ITGAL: variants seen among roughly 807,000 people sequenced by gnomAD.
The protein encoded by ITGAL is integrin subunit alpha L, also known as integrin alpha-L.
A neutral mutation model predicts 138.4 loss-of-function variants in ITGAL; 68 were observed. The observed-to-expected ratio is 0.49, with a 90% CI of 0.40 to 0.60. ITGAL has a LOEUF of 0.60. ITGAL is among the 20% of genes least tolerant of loss of function. The pLI is 0.00. For synonymous variants in ITGAL, 561 were observed against 584.3 expected, an observed-to-expected ratio of 0.96 and a Z score of 0.57; for missense variants, 1,256 against 1,478.6, an observed-to-expected ratio of 0.85 and a Z score of 2.47.
Position 30,489,383 on chromosome 16 carries a change from T to C in ITGAL, c.1210T>C (p.Leu404=), listed in dbSNP as rs746193831. The C allele has an allele frequency of 2.5e-6, 4 of 1,614,158 alleles. No individual in the cohort carries two copies. In the South Asian group the frequency reaches 4.4e-5, roughly 18 times the overall value. ...GACACCAGAAGTGAGAGCAGGCTAT[T>C]TGGGTGAGTACTTCTCTTTTCTGCT... ...PLTPEVRAGY[L]GYTVTWLPSR... is the part of the protein sequence containing the mutation. The change falls in exon 11 of 31, where the codon TTG becomes CTG. Residue 404 remains leucine, a synonymous_variant. Transcript: ENST00000356798.
chr16:30,512,030 G>A (rs1017705147), intron 24 of ITGAL, among the ~76,000 whole-genome samples: 1 of 152,150 alleles, frequency 6.6e-6, no homozygotes, highest in Non-Finnish European at 1.5e-5. Context: ...AAGGAGGTTG[G>A]GAACTTCTTG....
rs1243988025 is a variant in ITGAL at position 30,505,383 on chromosome 16, T to C, written c.2293-6T>C. On this transcript the variant is annotated splice_region_variant and splice_polypyrimidine_tract_variant and intron_variant, in intron 19 of 30. Coordinates refer to ENST00000356798, the MANE Select transcript of ITGAL (RefSeq NM_002209.3). ...GCCTGTTACTCCTTTCTTCTTGGTG[T>C]TTCAGATCCCTTTTGAGAAGAACTG... 1 of 1,614,042 alleles carries C rather than the reference T, an allele frequency of 6.2e-7. No homozygotes were observed. Among genetic ancestry groups the C allele is most frequent in the African/African-American group, 1.3e-5 (1 of 75,038 alleles).
intron 4 of ITGAL, among the ~76,000 whole-genome samples, chr16:30,477,986 T>C (rs1379499359): frequency 8.2e-6 from 1 of 122,084 alleles, no homozygotes; most frequent in Admixed American, 8.4e-5. Context: ...GAGAGAGAGA[T>C]AGGAAGGAAG....
Position 30,475,382 on chromosome 16 carries a change from C to T in ITGAL, c.241C>T (p.Leu81=). 5 of 1,613,770 alleles carry T rather than the reference C, an allele frequency of 3.1e-6. No individual in the cohort carries two copies. Among genetic ancestry groups the T allele is most frequent in the Non-Finnish European group, 4.2e-6 (5 of 1,179,698 alleles). The change falls in exon 3 of 31, where the codon CTG becomes TTG. Residue 81 remains leucine (L), a synonymous_variant. Coordinates refer to ENST00000356798, the MANE Select transcript of ITGAL (RefSeq NM_002209.3). ...GTGCCAGTCGGGCACAGGACACTGC[C>T]TGCCAGTCACCCTGAGAGGTGAGTA... is the stretch of plus-strand genomic sequence containing the variant. ...YQCQSGTGHC[L]PVTLRGSNYT...
At chr16:30,474,843 CTTCTTTTTTTTTTT>C (rs2050445238) in intron 2 of ITGAL, among the ~76,000 whole-genome samples, 3 of 135,200 alleles carry the variant, frequency 2.2e-5, no homozygotes, top group South Asian at 2.2e-4. Flanking sequence ...ACGGAGGCAT[CTTCTTTTTTTTTTT>C]TTCTTTTTTT....
chr16:30,505,439 G>T lies in ITGAL; in HGVS notation c.2343G>T (p.Leu781Phe). The change falls in exon 20 of 31, where the codon TTG (leucine) becomes TTT (phenylalanine). Residue 781 changes from leucine to phenylalanine, a missense_variant. This residue lies in a region of ITGAL where 867 missense variants were observed against 972.5 expected (regional missense o/e 0.89). Coordinates refer to ENST00000356798, the MANE Select transcript of ITGAL (RefSeq NM_002209.3). ...AGGACAAGAAGTGTGAGGCAAACTT[G>T]AGAGTGTCCTTCTCTCCTGCAAGGT... Reference protein sequence around the residue: ...CGEDKKCEANLRVSFSPARSR... With the variant: ...CGEDKKCEANFRVSFSPARSR... 6.2e-7 allele frequency: 1 copy of T among 1,613,956 alleles called. No individual in the cohort carries two copies. The highest frequency in any genetic ancestry group is 8.5e-7 in the Non-Finnish European group (1 of 1,179,974).
rs760763568 is a variant in ITGAL at position 30,489,266 on chromosome 16, G to T, written c.1093G>T (p.Val365Leu). ...CTTCCCTGGGCAGGGCCATGCAGTCGTGGGGGCAGTAGGAGCCAAGGACTG... is the reference window on the plus strand; with the variant it reads ...CTTCCCTGGGCAGGGCCATGCAGTCTTGGGGGCAGTAGGAGCCAAGGACTG... ...SADLSRGHAVVGAVGAKDWAG... is the reference protein window; with the variant it reads ...SADLSRGHAVLGAVGAKDWAG... The change falls in exon 11 of 31, where the codon GTG (valine) becomes TTG (leucine). Residue 365 changes from valine to leucine, a missense_variant. Val to Leu is a conservative substitution (Grantham distance 32). Around this residue, in one of 3 missense-constraint regions of ITGAL, gnomAD observed 177 missense variants for 288.8 expected, o/e 0.61. Transcript: ENST00000356798. 1.2e-6 allele frequency: 2 copies of T among 1,614,000 alleles called. No homozygotes were observed. The highest frequency in any genetic ancestry group is 1.3e-5 in the African/African-American group (1 of 75,050).
chr16:30,500,794 C>T (rs2050883464), intron 17 of ITGAL, among the ~76,000 whole-genome samples: 1 of 152,196 alleles, frequency 6.6e-6, no homozygotes, highest in Non-Finnish European at 1.5e-5. Flanking sequence ...CACCTGAGGT[C>T]AGGAGTTCGA....
At position 30,495,242 on chromosome 16, in the gene ITGAL, C is replaced by T. The variant is rs569056901; in HGVS notation, c.1503+392C>T. ...GTTTCACCATGTTGGTCAGGCTGGT[C>T]TCGAACTCCTGACCTCAGGTGATCC... On this transcript the variant is annotated intron_variant, in intron 13 of 30. Transcript: ENST00000356798. Among the ~76,000 whole-genome samples the T allele has an allele frequency of 3.1e-4, 47 of 152,286 alleles. 1 individual carries two copies. The South Asian group carries it at 9.3e-3, about 30-fold the overall frequency.
chr16:30,493,546 G>T (rs990210011), intron 11 of ITGAL, among the ~76,000 whole-genome samples: 2 of 152,050 alleles, frequency 1.3e-5, no homozygotes, highest in Admixed American at 1.3e-4. Context: ...AAAGCGCTGG[G>T]ATTACAGGCG....
At chr16:30,511,206 T>C (rs1433285860) in intron 24 of ITGAL, 70 bp downstream of exon 24, 1 of 1,192,242 alleles carries the variant, frequency 8.4e-7, no homozygotes, top group Non-Finnish European at 1.3e-6. Flanking sequence ...GCCCCGACTT[T>C]GCTCCTGGGG....
At chr16:30,499,734 T>TGTGTGTATATATATATATATATA (rs71149033) in intron 17 of ITGAL, among the ~76,000 whole-genome samples, 2 of 76,624 alleles carry the variant, frequency 2.6e-5, no homozygotes, top group East Asian at 8.6e-4. Context: ...TATATATATA[T>TGTGTGTATATATATATATATATA]TTTTTTTTTT....
rs146901113 is a variant in ITGAL at position 30,504,237 on chromosome 16, G to A, written c.2208G>A (p.Glu736=). 9 of 1,613,478 alleles carry A rather than the reference G, an allele frequency of 5.6e-6. No homozygotes were observed. Among genetic ancestry groups the A allele is most frequent in the Non-Finnish European group, 7.6e-6 (9 of 1,179,556 alleles). Reference sequence around the variant, plus strand: ...CCCTGAATTTCTCTCTTTGGGAGGAGGAAGGGACACCGAGGGACCAAAGGG... The same window carrying A: ...CCCTGAATTTCTCTCTTTGGGAGGAAGAAGGGACACCGAGGGACCAAAGGG... The part of the protein sequence containing the change: ...NVSLNFSLWE[E]EGTPRDQRAQ... The change falls in exon 18 of 31, where the codon GAG becomes GAA. Residue 736 remains glutamate (E), a synonymous_variant. Coordinates refer to ENST00000356798, the MANE Select transcript of ITGAL (RefSeq NM_002209.3).
In ITGAL at chr16:30,474,199, C is replaced by T. The variant is rs562768718; in HGVS notation, c.65C>T (p.Pro22Leu). The change falls in exon 2 of 31, where the codon CCG becomes CTG. Residue 22 changes from proline (P) to leucine (L), a missense_variant. Physicochemically the swap from Pro to Leu is moderately conservative, Grantham distance 98. Around this residue, in one of 3 missense-constraint regions of ITGAL, gnomAD observed 212 missense variants for 217.4 expected, o/e 0.98. Transcript: ENST00000356798. ...ALLSGFFFFA[P>L]ASSYNLDVRG... ...TGACGACCCTTGCCTTCCTCAGCGCCGGCCTCGAGCTACAACCTGGACGTG... is the reference window on the plus strand; with the variant it reads ...TGACGACCCTTGCCTTCCTCAGCGCTGGCCTCGAGCTACAACCTGGACGTG... The T allele has an allele frequency of 2.6e-5, 41 of 1,599,278 alleles. No homozygotes were observed. The East Asian group carries it at 4.8e-4, about 19-fold the overall frequency.
intron 4 of ITGAL, among the ~76,000 whole-genome samples, chr16:30,478,772 G>A (rs1055488688): frequency 2.0e-5 from 3 of 151,994 alleles, no homozygotes; most frequent in African/African-American, 7.2e-5. Context: ...GATTTGGCTG[G>A]AACACAGAAA....
rs1241771677 is a variant in ITGAL at position 30,484,097 on chromosome 16, C to T, written c.856-16C>T. The T allele has an allele frequency of 1.9e-6, 3 of 1,611,088 alleles. No homozygotes were observed. Among genetic ancestry groups the T allele is most frequent in the South Asian group, 1.1e-5 (1 of 90,744 alleles). ...GTTTGGGGGATTTCAGCTCTTCACT[C>T]TCCACTCCCTCACAGATTGGAAAGC... On this transcript the variant is annotated splice_polypyrimidine_tract_variant and intron_variant, in intron 8 of 30. Transcript: ENST00000356798.
intron 21 of ITGAL, among the ~76,000 whole-genome samples, chr16:30,507,649 CA>C (rs543416123): frequency 0.013 from 1,831 of 139,630 alleles, 37 homozygotes; most frequent in African/African-American, 0.043. Flanking sequence ...GACTCCATCT[CA>C]AAAAAAAAAA....
At chr16:30,520,698 C>A (rs1474006194) in intron 30 of ITGAL, among the ~76,000 whole-genome samples, 1 of 152,134 alleles carries the variant, frequency 6.6e-6, no homozygotes, top group East Asian at 1.9e-4. Context: ...TGGCCTGGGG[C>A]CTAGAACCCA....
In ITGAL at chr16:30,475,373, G is replaced by A. The variant is rs767129140; in HGVS notation, c.232G>A (p.Gly78Arg). The change falls in exon 3 of 31, where the codon GGA becomes AGA. Residue 78 changes from glycine (G) to arginine (R), a missense_variant. Around this residue, in one of 3 missense-constraint regions of ITGAL, gnomAD observed 212 missense variants for 217.4 expected, o/e 0.98. Coordinates refer to ENST00000356798, the MANE Select transcript of ITGAL (RefSeq NM_002209.3). ...GSLYQCQSGT[G>R]HCLPVTLRGS... ...CCTCTATCAGTGCCAGTCGGGCACAGGACACTGCCTGCCAGTCACCCTGAG... is the reference window on the plus strand; with the variant it reads ...CCTCTATCAGTGCCAGTCGGGCACAAGACACTGCCTGCCAGTCACCCTGAG... The A allele has an allele frequency of 2.5e-6, 4 of 1,614,008 alleles. No individual in the cohort carries two copies. In the South Asian group the frequency reaches 4.4e-5, roughly 18 times the overall value.
Sources: allele counts gnomAD v4.1 joint callset (sites outside exome capture counted in the v4.1 genomes callset), GRCh38; gene constraint gnomAD v4.1.1; regional missense constraint gnomAD v4.1.1; transcripts MANE v1.5; gene names NCBI Gene and HGNC (gene_info 2026-07-23, HGNC 2026-07-21).